The following COL23A1 variants were observed in gnomAD, a reference collection of about 807,000 sequenced individuals.
The protein encoded by COL23A1 is collagen type XXIII alpha 1 chain, also known as collagen alpha-1(XXIII) chain.
Under a neutral mutation model 99.3 loss-of-function variants are expected in COL23A1, and 97 were observed. The observed-to-expected ratio is 0.98, with a 90% confidence interval of 0.83 to 1.16. The LOEUF (loss-of-function observed/expected upper bound fraction) is 1.16, where lower values mean the gene tolerates loss of function less well. Ranked by LOEUF, COL23A1 falls within the 50% of genes most tolerant of loss-of-function variation. The probability of loss-of-function intolerance (pLI) is 0.00; values close to 1 mark genes in which losing one functional copy is unlikely to be tolerated. For synonymous variants in COL23A1, 320 were observed against 308.2 expected (o/e 1.04, Z -0.40); for missense variants, 762 against 757.4 (o/e 1.01, Z -0.07).
intron 3 of COL23A1, among the ~76,000 whole-genome samples, chr5:178,292,210 C>T (rs2127588533): frequency 1.4e-5 from 2 of 138,558 alleles, no homozygotes; most frequent in Admixed American, 1.5e-4. Flanking sequence ...CCTGCACCAG[C>T]ACTTGCGCCT....
chr5:178,535,186 T>C (rs2617264), intron 2 of COL23A1, among the ~76,000 whole-genome samples: 3 of 152,020 alleles, frequency 2.0e-5, no homozygotes, highest in Admixed American at 6.6e-5. Context: ...GTTGACCACG[T>C]TGGTCTCAAA....
intron 2 of COL23A1, among the ~76,000 whole-genome samples, chr5:178,502,347 G>A (rs1015551314): frequency 1.1e-4 from 16 of 152,180 alleles, no homozygotes; most frequent in South Asian, 4.1e-4. Context: ...TAGCCAGGAT[G>A]GTCTCGATCT....
At chr5:178,341,118 C>G (rs2127662147) in intron 2 of COL23A1, among the ~76,000 whole-genome samples, 2 of 152,298 alleles carry the variant, frequency 1.3e-5, no homozygotes, top group East Asian at 3.9e-4. Context: ...AGTGCCTGCC[C>G]CACTAGGTCT....
At chr5:178,398,443 A>G (rs1581306829) in intron 2 of COL23A1, among the ~76,000 whole-genome samples, 1 of 152,168 alleles carries the variant, frequency 6.6e-6, no homozygotes, top group African/African-American at 2.4e-5. Flanking sequence ...CCTGGGCAAC[A>G]TGGCAAAAAC....
intron 2 of COL23A1, among the ~76,000 whole-genome samples, chr5:178,536,675 T>C (rs938051137): frequency 6.6e-6 from 1 of 152,088 alleles, no homozygotes; most frequent in Non-Finnish European, 1.5e-5. Context: ...CACAGGCCCA[T>C]TCAGGGTGCG....
chr5:178,358,188 T>C (rs945592660), intron 2 of COL23A1, among the ~76,000 whole-genome samples: 5 of 150,090 alleles, frequency 3.3e-5, no homozygotes, highest in African/African-American at 1.2e-4. Context: ...TATGTATGTG[T>C]ATGTGTGTGC....
intron 2 of COL23A1, among the ~76,000 whole-genome samples, chr5:178,514,922 A>G (rs1759419349): frequency 6.6e-6 from 1 of 152,238 alleles, no homozygotes; most frequent in South Asian, 2.1e-4. Flanking sequence ...AAAGCTCAGT[A>G]AAGGGACCAA....
intron 2 of COL23A1, among the ~76,000 whole-genome samples, chr5:178,451,212 C>T (rs1767469062): frequency 6.6e-6 from 1 of 152,264 alleles, no homozygotes; most frequent in East Asian, 1.9e-4. Flanking sequence ...AGAGGAGAAA[C>T]ATAAGATCAT....
intron 1 of COL23A1, among the ~76,000 whole-genome samples, chr5:178,573,476 T>C (rs1162957188): frequency 6.6e-6 from 1 of 152,230 alleles, no homozygotes; most frequent in East Asian, 1.9e-4. Context: ...GCACACTGAG[T>C]GACTCTCTTT....
chr5:178,254,872 T>C, intron 16 of COL23A1, 77 bp downstream of exon 16: 1 of 1,283,096 alleles, frequency 7.8e-7, no homozygotes, highest in Non-Finnish European at 1.1e-6. Context: ...AAGTGCAGGA[T>C]TAATCACAAA....
chr5:178,443,412 A>G (rs570715966), intron 2 of COL23A1, among the ~76,000 whole-genome samples: 139 of 152,226 alleles, frequency 9.1e-4, no homozygotes, highest in Non-Finnish European at 1.3e-3. Flanking sequence ...GTTACGAAAA[A>G]CGAAAATCTT....
chr5:178,412,269 T>C (rs10072842), intron 2 of COL23A1, among the ~76,000 whole-genome samples: 8,045 of 152,306 alleles, frequency 0.053, 693 homozygotes, highest in African/African-American at 0.18. Flanking sequence ...TGACCTCATT[T>C]GTGTGAGTTT....
intron 2 of COL23A1, among the ~76,000 whole-genome samples, chr5:178,376,381 G>C (rs148464552): frequency 9.8e-4 from 149 of 152,290 alleles, no homozygotes; most frequent in African/African-American, 3.4e-3. Context: ...TTCTCAGGTG[G>C]GACATGATGG....
intron 2 of COL23A1, among the ~76,000 whole-genome samples, chr5:178,523,143 A>AAAATATATATATATATATACAT (rs1345833563): frequency 9.4e-6 from 1 of 106,228 alleles, no homozygotes; most frequent in Non-Finnish European, 2.0e-5. Context: ...TCTATTTAAA[A>AAAATATATATATATATATACAT]ATATATATAT....
chr5:178,292,892 G>C (rs549349056), intron 3 of COL23A1, among the ~76,000 whole-genome samples: 1 of 152,302 alleles, frequency 6.6e-6, no homozygotes, highest in Admixed American at 6.5e-5. Context: ...TGGAAGCAAA[G>C]TAGAGAAAGT....
At chr5:178,545,156 G>A (rs189332046) in intron 2 of COL23A1, among the ~76,000 whole-genome samples, 1 of 152,158 alleles carries the variant, frequency 6.6e-6, no homozygotes, top group African/African-American at 2.4e-5. Context: ...CATAGAGGGG[G>A]TGGGGGGTGT....
chr5:178,582,751 G>C (rs892268836), intron 1 of COL23A1, among the ~76,000 whole-genome samples: 1 of 152,166 alleles, frequency 6.6e-6, no homozygotes, highest in Admixed American at 6.5e-5. Context: ...CACCATTCCA[G>C]GTCCCGAGGA....
At chr5:178,361,933 T>C (rs1431065066) in intron 2 of COL23A1, among the ~76,000 whole-genome samples, 1 of 152,044 alleles carries the variant, frequency 6.6e-6, no homozygotes, top group Non-Finnish European at 1.5e-5. Context: ...TGGAACTCTG[T>C]CTCCAAACCA....
intron 2 of COL23A1, among the ~76,000 whole-genome samples, chr5:178,323,028 G>A (rs899205795): frequency 2.0e-5 from 3 of 152,182 alleles, no homozygotes; most frequent in Non-Finnish European, 4.4e-5. Context: ...TCGGAGGGAG[G>A]CTAAGCAGGA....
Sources: allele counts gnomAD v4.1 joint callset (sites outside exome capture counted in the v4.1 genomes callset), GRCh38; gene constraint gnomAD v4.1.1; transcripts MANE v1.5; gene names NCBI Gene and HGNC (gene_info 2026-07-23, HGNC 2026-07-21).